Variants in JAK1 observed in about 807,000 individuals in gnomAD.
The protein encoded by JAK1 is Janus kinase 1.
A neutral mutation model predicts 136.6 loss-of-function variants in JAK1; 16 were observed. The ratio of observed to expected loss-of-function variants is 0.12; its 90% CI spans 0.08 to 0.18. The LOEUF (loss-of-function observed/expected upper bound fraction) is 0.18, where lower values mean the gene tolerates loss of function less well. Ranked by LOEUF, JAK1 falls within the 10% of genes least tolerant of loss-of-function variation. The pLI is 1.00. For missense variants in JAK1, 859 were observed against 1,450.1 expected, an observed-to-expected ratio of 0.59 and a Z score of 6.62; for synonymous variants, 492 against 519.5, an observed-to-expected ratio of 0.95 and a Z score of 0.72.
intron 2 of JAK1, among the ~76,000 whole-genome samples, chr1:65,036,431 C>T (rs546595): frequency 0.14 from 20,695 of 151,972 alleles, 1,774 homozygotes; most frequent in East Asian, 0.32. Context: ...TGAAAGTCCC[C>T]GTGCAGGCCA....
intron 1 of JAK1, among the ~76,000 whole-genome samples, chr1:64,958,207 G>C (rs1292992395): frequency 6.6e-6 from 1 of 152,172 alleles, no homozygotes; most frequent in Non-Finnish European, 1.5e-5. Context: ...ATGGTAGGTG[G>C]CCTGCTTCCT....
intron 2 of JAK1, among the ~76,000 whole-genome samples, chr1:65,018,330 A>G (rs1394116457): frequency 6.6e-6 from 1 of 152,186 alleles, no homozygotes; most frequent in East Asian, 1.9e-4. Flanking sequence ...GAAAGAGATA[A>G]CAAATAAGAA....
chr1:65,029,412 T>C (rs1432399530), intron 2 of JAK1, among the ~76,000 whole-genome samples: 2 of 152,208 alleles, frequency 1.3e-5, no homozygotes, highest in African/African-American at 4.8e-5. Context: ...TTTTTCCTTT[T>C]AAAAGTCTGT....
chr1:64,937,723 T>C (rs1451504327), intron 1 of JAK1, among the ~76,000 whole-genome samples: 2 of 152,122 alleles, frequency 1.3e-5, no homozygotes, highest in African/African-American at 2.4e-5. Context: ...TTTTCAGACA[T>C]ATCCTTAAAG....
intron 1 of JAK1, among the ~76,000 whole-genome samples, chr1:65,055,518 G>A (rs1647492589): frequency 1.3e-5 from 2 of 152,186 alleles, no homozygotes; most frequent in Admixed American, 6.5e-5. Flanking sequence ...GTATCCAGAA[G>A]TGGAAATGCT....
intron 1 of JAK1, among the ~76,000 whole-genome samples, chr1:65,049,876 A>C (rs753075831): frequency 6.6e-6 from 1 of 152,172 alleles, no homozygotes; most frequent in Non-Finnish European, 1.5e-5. Flanking sequence ...TCAGACAATC[A>C]TGATGTCAAA....
rs117504079 is a variant in JAK1, at chr1:64,942,305, C to T, written c.-78+24028G>A. 21 of 152,234 alleles carry T rather than the reference C, an allele frequency of 1.4e-4. No homozygotes were observed. The East Asian group carries it at 3.7e-3, about 27-fold the overall frequency. The allele number at this position is 152,234 out of a possible 1,614,324, so 9.4% of individuals were successfully genotyped here. On this transcript the variant is annotated intron_variant, in intron 1 of 24. Transcript: ENST00000342505. Reference sequence around the variant, plus strand: ...ACAATCTGGCCCTTTGCTAGATAACCGGTATGAACCACTTTGATACTCAAG... The same window carrying T: ...ACAATCTGGCCCTTTGCTAGATAACTGGTATGAACCACTTTGATACTCAAG...
intron 1 of JAK1, among the ~76,000 whole-genome samples, chr1:64,890,705 G>T (rs1017070263): frequency 3.9e-5 from 6 of 152,320 alleles, no homozygotes; most frequent in Middle Eastern, 6.8e-3. Context: ...GTACAAAAAG[G>T]TATTGACGCA....
At chr1:65,052,118 ATTTTT>A (rs71056073) in intron 1 of JAK1, among the ~76,000 whole-genome samples, 2 of 93,564 alleles carry the variant, frequency 2.1e-5, no homozygotes, top group African/African-American at 4.2e-5. Context: ...ACGCCTGGCT[ATTTTT>A]TTTTTTTTTT....
intron 2 of JAK1, among the ~76,000 whole-genome samples, chr1:65,042,173 T>C (rs973116369): frequency 6.4e-4 from 98 of 152,080 alleles, no homozygotes; most frequent in African/African-American, 2.3e-3. Context: ...ACTATTTACA[T>C]AGCATTTACA....
chr1:64,865,299 CA>C (rs1656628955), intron 7 of JAK1, among the ~76,000 whole-genome samples: 1 of 152,226 alleles, frequency 6.6e-6, no homozygotes, highest in Non-Finnish European at 1.5e-5. Flanking sequence ...TCCTCACTTC[CA>C]GACTACTACA....
chr1:65,040,266 A>G (rs899991106), intron 2 of JAK1, among the ~76,000 whole-genome samples: 1 of 151,826 alleles, frequency 6.6e-6, no homozygotes, highest in Non-Finnish European at 1.5e-5. Context: ...GCTAACATCA[A>G]GGTGCTAGCA....
upstream of JAK1, among the ~76,000 whole-genome samples, chr1:64,968,844 A>T (rs915070107): frequency 6.6e-6 from 1 of 151,746 alleles, no homozygotes; most frequent in East Asian, 1.9e-4. Context: ...AGGCACAAGA[A>T]TCGCTTGAAG....
At chr1:64,974,780 T>A (rs1027941727) in intron 2 of JAK1, 2 of 152,248 alleles carry the variant, frequency 1.3e-5, no homozygotes, top group African/African-American at 4.8e-5. Context: ...ATAGCACAGT[T>A]CCAAAAGAGC....
chr1:64,874,081 G>A (rs1657241546), intron 4 of JAK1, among the ~76,000 whole-genome samples: 1 of 152,134 alleles, frequency 6.6e-6, no homozygotes, highest in African/African-American at 2.4e-5. Flanking sequence ...ATCATGAAAC[G>A]AGTTAACAAG....
chr1:64,874,214 G>A (rs1252556518), intron 4 of JAK1, among the ~76,000 whole-genome samples: 1 of 152,150 alleles, frequency 6.6e-6, no homozygotes, highest in African/African-American at 2.4e-5. Context: ...ACAAAAGCCT[G>A]TTCTCTTAAC....
chr1:64,982,978 C>T (rs1646562971), intron 2 of JAK1, among the ~76,000 whole-genome samples: 1 of 152,048 alleles, frequency 6.6e-6, no homozygotes, highest in Non-Finnish European at 1.5e-5. Context: ...CAGCTAAACC[C>T]CACTGCTATG....
At chr1:65,066,471 G>A (rs1490651880) in intron 1 of JAK1, among the ~76,000 whole-genome samples, 1 of 152,208 alleles carries the variant, frequency 6.6e-6, no homozygotes, top group Non-Finnish European at 1.5e-5. Flanking sequence ...GAATGAAGGG[G>A]GAGAAGGCGT....
chr1:64,903,759 A>G (rs892500254), intron 1 of JAK1, among the ~76,000 whole-genome samples: 8 of 152,330 alleles, frequency 5.3e-5, no homozygotes, highest in African/African-American at 1.9e-4. Flanking sequence ...TGCAGTGACT[A>G]TTACTGAAAG....
Sources: gnomAD v4.1 joint callset for allele counts (sites outside exome capture counted in the v4.1 genomes callset) on GRCh38, gnomAD v4.1.1 for gene constraint, MANE v1.5 for transcripts, NCBI Gene and HGNC (gene_info 2026-07-23, HGNC 2026-07-21) for gene names.